PTPRD: variants seen among roughly 807,000 people sequenced by gnomAD.
The protein encoded by PTPRD is protein tyrosine phosphatase receptor type D, also known as receptor-type tyrosine-protein phosphatase delta.
PTPRD carries 34 observed loss-of-function variants against 214.5 expected under a neutral mutation model. The observed-to-expected ratio is 0.16, with a 90% confidence interval of 0.12 to 0.21. The LOEUF (loss-of-function observed/expected upper bound fraction) is 0.21. PTPRD is among the 10% of genes least tolerant of loss of function. The pLI, the probability that PTPRD is intolerant of heterozygous loss-of-function variation, is 1.00. For missense variants in PTPRD, 2,545 were observed against 2,398.7 expected (o/e 1.06, Z -1.27); for synonymous variants, 1,128 against 845.7 (o/e 1.33, Z -5.79).
chr9:8,696,488 G>A (rs1396217461), intron 12 of PTPRD, among the ~76,000 whole-genome samples: 4 of 152,164 alleles, frequency 2.6e-5, no homozygotes, highest in Non-Finnish European at 5.9e-5. Context: ...CAGATGGGAC[G>A]TGTTATGAAT....
intron 10 of PTPRD, among the ~76,000 whole-genome samples, chr9:9,140,411 G>C (rs980989687): frequency 1.1e-4 from 17 of 152,078 alleles, no homozygotes; most frequent in African/African-American, 4.1e-4. Flanking sequence ...ATCAAATAGA[G>C]AGAAATACTA....
chr9:8,956,111 T>C (rs1377322672), intron 11 of PTPRD, among the ~76,000 whole-genome samples: 3 of 151,860 alleles, frequency 2.0e-5, no homozygotes, highest in African/African-American at 7.2e-5. Flanking sequence ...CCAGCAGCAA[T>C]AAATTACAAT....
At chr9:10,358,429 G>A (rs966805498) in intron 2 of PTPRD, among the ~76,000 whole-genome samples, 3 of 151,854 alleles carry the variant, frequency 2.0e-5, no homozygotes, top group Admixed American at 1.3e-4. Flanking sequence ...ATTGATCAAT[G>A]AAGCAATCTT....
At chr9:10,221,989 G>A (rs1044127777) in intron 3 of PTPRD, among the ~76,000 whole-genome samples, 2 of 151,544 alleles carry the variant, frequency 1.3e-5, no homozygotes, top group Non-Finnish European at 1.5e-5. Flanking sequence ...GAACAAACTT[G>A]TTACTTATAT....
Position 9,808,574 on chromosome 9 carries a change from T to G in PTPRD, c.-367-41723A>C, listed in dbSNP as rs1298088197. On this transcript the variant is annotated intron_variant, in intron 5 of 45. Transcript: ENST00000381196. ...AGACTTTATCTATATAATAAGACCA[T>G]CGTTGTTTACAGTGCAGTTTTGCCC... is the stretch of plus-strand genomic sequence containing the variant. Among the ~76,000 whole-genome samples the G allele has an allele frequency of 2.0e-5, 3 of 152,210 alleles. No individual in the cohort carries two copies. The East Asian group carries it at 5.8e-4, about 29-fold the overall frequency.
intron 14 of PTPRD, among the ~76,000 whole-genome samples, chr9:8,627,302 A>G (rs2096074109): frequency 6.6e-6 from 1 of 151,794 alleles, no homozygotes; most frequent in Admixed American, 6.6e-5. Context: ...GGATCACTTC[A>G]GACTTGGCCA....
At chr9:9,556,088 A>G (rs1005141742) in intron 8 of PTPRD, among the ~76,000 whole-genome samples, 1 of 152,168 alleles carries the variant, frequency 6.6e-6, no homozygotes, top group African/African-American at 2.4e-5. Flanking sequence ...ATAACCTATT[A>G]TTGACCAGAA....
chr9:9,957,949 A>T (rs1358504853), intron 4 of PTPRD, among the ~76,000 whole-genome samples: 1 of 152,162 alleles, frequency 6.6e-6, no homozygotes, highest in Non-Finnish European at 1.5e-5. Flanking sequence ...GATCTTTGAC[A>T]AAAAAGCAAG....
In PTPRD at chr9:9,616,428, T is replaced by C. The variant is rs1049910427; in HGVS notation, c.-286-41647A>G. On this transcript the variant is annotated intron_variant, in intron 7 of 45. Transcript: ENST00000381196. The stretch of plus-strand genomic sequence containing the variant: ...CAAAAGTAAGCTCAAAATAAGACAA[T>C]GCATCTAGGATACGACCCCACTTTC... Among the ~76,000 whole-genome samples, 8 of 152,184 alleles carry C rather than the reference T, an allele frequency of 5.3e-5. No homozygotes were observed. In the South Asian group the frequency reaches 1.7e-3, roughly 32 times the overall value.
chr9:8,726,511 C>G (rs2098559473), intron 12 of PTPRD, among the ~76,000 whole-genome samples: 1 of 139,002 alleles, frequency 7.2e-6, no homozygotes, highest in Admixed American at 7.4e-5. Context: ...GCAGGTGGAT[C>G]CCCTGAAGTC....
At chr9:10,166,309 C>G (rs1592932404) in intron 3 of PTPRD, among the ~76,000 whole-genome samples, 1 of 148,844 alleles carries the variant, frequency 6.7e-6, no homozygotes, top group East Asian at 1.9e-4. Flanking sequence ...CTGCATCTGT[C>G]TAACATCCTA....
chr9:9,695,362 G>A (rs1405138824), intron 7 of PTPRD, among the ~76,000 whole-genome samples: 10 of 152,124 alleles, frequency 6.6e-5, no homozygotes, highest in East Asian at 1.9e-4. Context: ...TTAAGCAGAA[G>A]GAGAGAATCA....
chr9:9,392,610 A>G (rs907278507), intron 9 of PTPRD, among the ~76,000 whole-genome samples: 2 of 152,122 alleles, frequency 1.3e-5, no homozygotes, highest in Admixed American at 1.3e-4. Flanking sequence ...ACTCTAGGGT[A>G]ATTTGATAAT....
intron 12 of PTPRD, among the ~76,000 whole-genome samples, chr9:8,718,349 T>C (rs1468093008): frequency 6.6e-6 from 1 of 152,210 alleles, no homozygotes; most frequent in East Asian, 1.9e-4. Context: ...ACTGTTTTAT[T>C]ATAATTATCA....
intron 5 of PTPRD, among the ~76,000 whole-genome samples, chr9:9,910,156 G>T (rs543719400): frequency 3.3e-5 from 5 of 151,982 alleles, no homozygotes; most frequent in Admixed American, 2.0e-4. Flanking sequence ...CAGTTACCAG[G>T]ATTAAATAAG....
At chr9:10,470,119 G>C (rs1012099290) in intron 2 of PTPRD, among the ~76,000 whole-genome samples, 4 of 152,030 alleles carry the variant, frequency 2.6e-5, no homozygotes, top group African/African-American at 9.7e-5. Context: ...AGAAGATATG[G>C]AATAGTCCCA....
At position 8,786,033 on chromosome 9, in the gene PTPRD, T is replaced by TTGTGTGTGTG. The variant is rs34200290; in HGVS notation, c.-103-52097_-103-52088dup. ...GCAGTCTGAGAAGCCGCTTAATTTG[T>TTGTGTGTGTG]TGTGTGTGTGTGTGTGTGTGTGTGT... On this transcript the variant is annotated intron_variant, in intron 11 of 45. Coordinates refer to ENST00000381196, the MANE Select transcript of PTPRD (RefSeq NM_002839.4). Among the ~76,000 whole-genome samples the TTGTGTGTGTG allele has an allele frequency of 2.7e-4, 39 of 143,324 alleles. No individual in the cohort carries two copies. In the South Asian group the frequency reaches 3.5e-3, roughly 13 times the overall value. 94.0% of individuals were successfully genotyped at this position (143,324 alleles called of 152,430 possible). A position where few individuals can be genotyped will look rare whatever the true frequency, so the allele number is the denominator to read the frequency against.
intron 9 of PTPRD, among the ~76,000 whole-genome samples, chr9:9,206,243 G>A (rs1015786090): frequency 1.3e-5 from 2 of 152,144 alleles, no homozygotes; most frequent in Non-Finnish European, 1.5e-5. Context: ...ATGATGGAGG[G>A]TGGTGGGAGA....
intron 9 of PTPRD, among the ~76,000 whole-genome samples, chr9:9,221,675 C>G (rs2099956138): frequency 6.6e-6 from 1 of 151,988 alleles, no homozygotes; most frequent in Admixed American, 6.6e-5. Context: ...ACTGAACTAT[C>G]TCCTCAAAGG....
Sources: gnomAD v4.1 joint callset for allele counts (sites outside exome capture counted in the v4.1 genomes callset) on GRCh38, gnomAD v4.1.1 for gene constraint, MANE v1.5 for transcripts, NCBI Gene and HGNC (gene_info 2026-07-23, HGNC 2026-07-21) for gene names.